ZNF14: variants seen among roughly 807,000 people sequenced by gnomAD.
ZNF14 encodes the protein zinc finger protein 14, also known as gonadotropin inducible transcription repressor-4.
A neutral mutation model predicts 11.3 loss-of-function variants in ZNF14; 9 were observed. The ratio of observed to expected loss-of-function variants is 0.80; its 90% CI spans 0.48 to 1.39. The LOEUF (loss-of-function observed/expected upper bound fraction) is 1.39, where lower values mean the gene tolerates loss of function less well. Ranked by LOEUF, ZNF14 falls within the 40% of genes most tolerant of loss-of-function variation. The probability of loss-of-function intolerance (pLI) is 0.00; values close to 1 mark genes in which losing one functional copy is unlikely to be tolerated. For synonymous variants in ZNF14, 239 were observed against 245.7 expected (o/e 0.97, Z 0.25); for missense variants, 711 against 763.9 (o/e 0.93, Z 0.82).
chr19:19,732,897 T>A, intron 1 of ZNF14, 59 bp downstream of exon 1: 2 of 1,603,304 alleles, frequency 1.2e-6, no homozygotes, highest in Non-Finnish European at 1.7e-6. Flanking sequence ...GTCCCCGGCC[T>A]CGGCCACAGA....
Position 19,727,106 on chromosome 19 carries a change from G to A in ZNF14, c.3+5850C>T, listed in dbSNP as rs1175337208. ...TGCCAAGCCCCAGTGAGATGAACCT[G>A]GTACCTCAGTTGGAAATGCAGAAAT... On this transcript the variant is annotated intron_variant, in intron 1 of 3. Coordinates refer to ENST00000344099, the MANE Select transcript of ZNF14 (RefSeq NM_021030.3). Among the ~76,000 whole-genome samples the A allele has an allele frequency of 1.5e-5, 2 of 133,230 alleles. 1 individual carries two copies. Among genetic ancestry groups the A allele is most frequent in the Non-Finnish European group, 3.3e-5 (2 of 59,980 alleles). 87.4% of individuals were successfully genotyped at this position (133,230 alleles called of 152,430 possible). A position where few individuals can be genotyped will look rare whatever the true frequency, so the allele number is the denominator to read the frequency against.
At position 19,710,857 on chromosome 19, in the gene ZNF14, T is replaced by G. The variant is rs2062356953; in HGVS notation, c.*495A>C. On this transcript the variant is annotated 3_prime_UTR_variant, in exon 4 of 4. Transcript: ENST00000344099. Reference sequence around the variant, plus strand: ...ATCTCAGCTCACTGCAACCTCTGTCTCCAGGTTCAAGTGATTCTCCTGCCT... The same window carrying G: ...ATCTCAGCTCACTGCAACCTCTGTCGCCAGGTTCAAGTGATTCTCCTGCCT... 6.5e-6 allele frequency: 1 copy of G among 154,658 alleles called. No homozygotes were observed. The highest frequency in any genetic ancestry group is 6.4e-5 in the Admixed American group (1 of 15,714). 9.6% of individuals were successfully genotyped at this position (154,658 alleles called of 1,614,324 possible).
intron 1 of ZNF14, 31 bp from the exon 2 acceptor site, chr19:19,714,518 TG>T (rs2062372100): frequency 4.4e-6 from 7 of 1,594,932 alleles, no homozygotes; most frequent in Non-Finnish European, 6.0e-6. Context: ...TTACAGAGGA[TG>T]GGTAAGACTG....
intron 1 of ZNF14, among the ~76,000 whole-genome samples, chr19:19,715,320 G>C (rs973142537): frequency 1.3e-4 from 20 of 152,186 alleles, no homozygotes; most frequent in African/African-American, 4.1e-4. Context: ...TTGTCACAAG[G>C]AGCTGCTGGC....
Position 19,712,321 on chromosome 19 carries a change from T to G in ZNF14, c.960A>C (p.Ala320=), listed in dbSNP as rs1215459493. The G allele has an allele frequency of 1.2e-6, 2 of 1,613,694 alleles. No homozygotes were observed. The highest frequency in any genetic ancestry group is 1.7e-5 in the Admixed American group (1 of 59,972). The change falls in exon 4 of 4, where the codon GCA becomes GCC. Residue 320 remains alanine, a synonymous_variant. Transcript: ENST00000344099. ...GTATTATTACATGTGCTCGAAAGCTTGCAGAATAAAAGAAGGCTTTTCCAC... is the reference window on the plus strand; with the variant it reads ...GTATTATTACATGTGCTCGAAAGCTGGCAGAATAAAAGAAGGCTTTTCCAC... ...KECGKAFFYS[A]SFRAHVIIHT...
intron 3 of ZNF14, among the ~76,000 whole-genome samples, chr19:19,713,676 T>C (rs2145093998): frequency 6.6e-6 from 1 of 151,688 alleles, no homozygotes; most frequent in East Asian, 1.9e-4. Context: ...CTTGAACTCC[T>C]GACCTCAGAT....
chr19:19,712,685 C>T lies in ZNF14; in HGVS notation c.596G>A (p.Cys199Tyr). ...RTHAGQKPYE[C>Y]KQCGKTFIYY... is the part of the protein sequence containing the mutation. ...TATAAAGGTTTTTCCACATTGCTTACATTCATAGGGTTTCTGTCCAGCATG... is the reference window on the plus strand; with the variant it reads ...TATAAAGGTTTTTCCACATTGCTTATATTCATAGGGTTTCTGTCCAGCATG... Residue 199 changes from cysteine (C) to tyrosine (Y), a missense_variant, in exon 4 of 4, where the codon TGT (cysteine) becomes TAT (tyrosine). Physicochemically the swap from Cys to Tyr is radical, Grantham distance 194. Transcript: ENST00000344099. 6.2e-7 allele frequency: 1 copy of T among 1,613,884 alleles called. No individual in the cohort carries two copies. Among genetic ancestry groups the T allele is most frequent in the Non-Finnish European group, 8.5e-7 (1 of 1,179,960 alleles).
chr19:19,721,147 G>C (rs139672889), intron 1 of ZNF14, among the ~76,000 whole-genome samples: 1 of 151,986 alleles, frequency 6.6e-6, no homozygotes, highest in Admixed American at 6.6e-5. Context: ...TAGTAGAGAC[G>C]GGGTTTCACC....
At position 19,711,399 on chromosome 19, in the gene ZNF14, T is replaced by A. The variant is rs762435427; in HGVS notation, c.1882A>T (p.Ser628Cys). 22 of 1,591,968 alleles carry A rather than the reference T, an allele frequency of 1.4e-5. No homozygotes were observed. The South Asian group carries it at 1.5e-4, about 11-fold the overall frequency. ...KQCGKAFISSSHFRLHERTHM... is the reference protein window; with the variant it reads ...KQCGKAFISSCHFRLHERTHM... ...GTCCTTTCATGCAGTCGAAAGTGAC[T>A]GGAAGAAATGAAGGCTTTTCCACAT... The change falls in exon 4 of 4, where the codon AGT (serine) becomes TGT (cysteine). Residue 628 changes from serine (S) to cysteine (C), a missense_variant. By Grantham distance (112) the Ser-to-Cys change is moderately radical. Coordinates refer to ENST00000344099, the MANE Select transcript of ZNF14 (RefSeq NM_021030.3).
Position 19,711,356 on chromosome 19 carries a change from A to G in ZNF14, c.1925T>C (p.Val642Ala). The change falls in exon 4 of 4, where the codon GTC (valine) becomes GCC (alanine). Residue 642 changes from valine to alanine, a missense_variant. Coordinates refer to ENST00000344099, the MANE Select transcript of ZNF14 (RefSeq NM_021030.3). ...TTCAGAATGTTGCTTATATTCTTAGACTTTCTCTCCCATATGAGTCCTTTC... is the reference window on the plus strand; with the variant it reads ...TTCAGAATGTTGCTTATATTCTTAGGCTTTCTCTCCCATATGAGTCCTTTC... ...LHERTHMGEK[V>A] 1 of 1,542,126 alleles carries G rather than the reference A, an allele frequency of 6.5e-7. No individual in the cohort carries two copies. The highest frequency in any genetic ancestry group is 8.7e-7 in the Non-Finnish European group (1 of 1,150,260).
In ZNF14 at chr19:19,714,163, A is replaced by G. The variant is rs111309067; in HGVS notation, c.131-12T>C. The G allele has an allele frequency of 6.2e-7, 1 of 1,610,054 alleles. No individual in the cohort carries two copies. On this transcript the variant is annotated splice_polypyrimidine_tract_variant and intron_variant, in intron 2 of 3. Coordinates refer to ENST00000344099, the MANE Select transcript of ZNF14 (RefSeq NM_021030.3). ...TTCCCACTTTTTTCCTAAAATGCAT[A>G]CCCAGAAAGACCATTAAAAATTATT...
At chr19:19,728,990 C>T (rs960691357) in intron 1 of ZNF14, among the ~76,000 whole-genome samples, 1 of 152,102 alleles carries the variant, frequency 6.6e-6, no homozygotes, top group Admixed American at 6.6e-5. Context: ...TCTTTTCCCC[C>T]CGACAAGACG....
intron 1 of ZNF14, among the ~76,000 whole-genome samples, chr19:19,727,269 T>C (rs1384043530): frequency 1.5e-5 from 2 of 133,834 alleles, no homozygotes; most frequent in Non-Finnish European, 3.3e-5. Flanking sequence ...ATATTACATA[T>C]CCAATAATTA....
rs749545063 is a variant in ZNF14, at chr19:19,712,953, T to C, written c.328A>G (p.Arg110Gly). The change falls in exon 4 of 4, where the codon AGA (arginine) becomes GGA (glycine). Residue 110 changes from arginine to glycine, a missense_variant. Transcript: ENST00000344099. ...AGGGACGAATGATGAATGAAGTCTC[T>C]TCCACAAAAGCTGCATTCATGTGGT... ...AKPHECSFCGRDFIHHSSLNR... is the reference protein window; with the variant it reads ...AKPHECSFCGGDFIHHSSLNR... The C allele has an allele frequency of 1.2e-6, 2 of 1,614,150 alleles. No homozygotes were observed. Among genetic ancestry groups the C allele is most frequent in the Non-Finnish European group, 1.7e-6 (2 of 1,180,020 alleles).
chr19:19,711,873 T>C lies in ZNF14; in HGVS notation c.1408A>G (p.Thr470Ala), dbSNP rs1480831198. The C allele has an allele frequency of 6.2e-7, 1 of 1,614,098 alleles. No individual in the cohort carries two copies. Among genetic ancestry groups the C allele is most frequent in the South Asian group, 1.1e-5 (1 of 91,078 alleles). ...SYFRIHERSHTGEKPYECKQC... is the reference protein window; with the variant it reads ...SYFRIHERSHAGEKPYECKQC... ...TTACATTCATAGGGTTTCTCTCCAG[T>C]GTGTGACCTTTCATGAATTCGAAAA... Residue 470 changes from threonine (T) to alanine (A), a missense_variant, in exon 4 of 4, where the codon ACT (threonine) becomes GCT (alanine). Transcript: ENST00000344099.
chr19:19,711,408 T>G lies in ZNF14; in HGVS notation c.1873A>C (p.Ile625Leu). ...TGCAGTCGAAAGTGACTGGAAGAAA[T>G]GAAGGCTTTTCCACATTGTTTGCAT... Reference protein sequence around the residue: ...YECKQCGKAFISSSHFRLHER... With the variant: ...YECKQCGKAFLSSSHFRLHER... The change falls in exon 4 of 4, where the codon ATT becomes CTT. Residue 625 changes from isoleucine (I) to leucine (L), a missense_variant. Physicochemically the swap from Ile to Leu is conservative, Grantham distance 5. Transcript: ENST00000344099. The G allele has an allele frequency of 1.3e-6, 2 of 1,595,992 alleles. No individual in the cohort carries two copies. Among genetic ancestry groups the G allele is most frequent in the Non-Finnish European group, 1.7e-6 (2 of 1,172,932 alleles).
intron 1 of ZNF14, among the ~76,000 whole-genome samples, chr19:19,719,983 C>A (rs932491334): frequency 6.6e-6 from 1 of 152,162 alleles, no homozygotes; most frequent in Non-Finnish European, 1.5e-5. Flanking sequence ...ATCTCAGTGA[C>A]ACAGGGGCAT....
chr19:19,732,662 C>T (rs1017432022), intron 1 of ZNF14, among the ~76,000 whole-genome samples: 1 of 152,352 alleles, frequency 6.6e-6, no homozygotes, highest in East Asian at 1.9e-4. Flanking sequence ...TGGGATCTCC[C>T]CAGGACCCTC....
At chr19:19,718,089 G>A (rs1014417395) in intron 1 of ZNF14, among the ~76,000 whole-genome samples, 3 of 152,058 alleles carry the variant, frequency 2.0e-5, no homozygotes, top group African/African-American at 4.8e-5. Context: ...ACATCTTGTC[G>A]AGTTTTCAAC....
Sources: allele counts gnomAD v4.1 joint callset (sites outside exome capture counted in the v4.1 genomes callset), GRCh38; gene constraint gnomAD v4.1.1; transcripts MANE v1.5; gene names NCBI Gene and HGNC (gene_info 2026-07-23, HGNC 2026-07-21).